CFAP44: variants seen among roughly 807,000 people sequenced by gnomAD.
CFAP44 encodes cilia and flagella associated protein 44.
CFAP44 carries 134 observed loss-of-function variants against 216.2 expected under a neutral mutation model. The observed-to-expected ratio is 0.62, with a 90% CI of 0.54 to 0.72. The LOEUF is 0.72. Among genes scored for constraint, CFAP44 ranks in the 30% least tolerant of loss-of-function variants. CFAP44 has a pLI of 0.00. For missense variants in CFAP44, 2,035 were observed against 2,182.1 expected (o/e 0.93, Z 1.34); for synonymous variants, 700 against 727.6 (o/e 0.96, Z 0.61).
chr3:113,424,329 G>A (rs919353043), intron 4 of CFAP44, among the ~76,000 whole-genome samples: 5 of 152,014 alleles, frequency 3.3e-5, no homozygotes, highest in Non-Finnish European at 7.4e-5. Flanking sequence ...CCAGCTACTC[G>A]GGAGGCTGAG....
chr3:113,312,073 G>GTGT (rs1465808861), intron 28 of CFAP44, among the ~76,000 whole-genome samples: 3 of 126,794 alleles, frequency 2.4e-5, no homozygotes, highest in Non-Finnish European at 3.3e-5. Context: ...GTGTGTGTGT[G>GTGT]TTTTTTTTTT....
rs1478302442 is a variant in CFAP44, at chr3:113,380,992, C to T, written c.1959G>A (p.Lys653=). ...CTACATCATGATCATCCTCTTCTTG[C>T]TTTATGGTTGGAAGTGGAGCTTCAA... ...YILEAPLPTI[K]QEEDDHDVVS... is the part of the protein sequence containing the mutation. Residue 653 remains lysine (K), a synonymous_variant, in exon 16 of 35, where the codon AAG becomes AAA. Transcript: ENST00000393845. 4 of 1,600,124 alleles carry T rather than the reference C, an allele frequency of 2.5e-6. No individual in the cohort carries two copies. The highest frequency in any genetic ancestry group is 1.7e-4 in the Middle Eastern group (1 of 5,992).
rs1014623952 is a variant in CFAP44 at position 113,291,281 on chromosome 3, A to G, written c.*276T>C. The G allele has an allele frequency of 2.4e-5, 7 of 285,812 alleles. No homozygotes were observed. In the Admixed American group the frequency reaches 2.8e-4, roughly 11 times the overall value. The allele number at this position is 285,812 out of a possible 1,614,324, so 17.7% of individuals were successfully genotyped here. ...AATATATTACAGGTGATTTGCTGCA[A>G]TCATGAAACACAGCCTTCCGAGACT... On this transcript the variant is annotated 3_prime_UTR_variant, in exon 35 of 35. Transcript: ENST00000393845.
At chr3:113,415,603 C>T (rs1200339299) in intron 6 of CFAP44, among the ~76,000 whole-genome samples, 1 of 152,080 alleles carries the variant, frequency 6.6e-6, no homozygotes, top group Non-Finnish European at 1.5e-5. Context: ...TTGATTTCTG[C>T]CTTAATTTCA....
intron 8 of CFAP44, among the ~76,000 whole-genome samples, chr3:113,405,941 G>A (rs1934264436): frequency 1.3e-5 from 2 of 152,182 alleles, no homozygotes; most frequent in Non-Finnish European, 2.9e-5. Flanking sequence ...TTTGAATTGA[G>A]AATATTCAGT....
chr3:113,400,151 C>G (rs1361539973), intron 12 of CFAP44, 151 bp from the exon 13 acceptor site: 3 of 518,554 alleles, frequency 5.8e-6, no homozygotes, highest in Non-Finnish European at 1.0e-5. Flanking sequence ...GGTACAACCT[C>G]AAACAGGTAA....
At chr3:113,322,698 G>A (rs1950155884) in intron 28 of CFAP44, among the ~76,000 whole-genome samples, 1 of 152,192 alleles carries the variant, frequency 6.6e-6, no homozygotes, top group Admixed American at 6.5e-5. Flanking sequence ...ACTTAAAAAT[G>A]AGCCACCATT....
chr3:113,425,595 A>G (rs1259478724), intron 4 of CFAP44, among the ~76,000 whole-genome samples: 1 of 152,242 alleles, frequency 6.6e-6, no homozygotes, highest in East Asian at 1.9e-4. Context: ...GGACAGACAC[A>G]TAAGTGTTTC....
intron 28 of CFAP44, among the ~76,000 whole-genome samples, chr3:113,319,884 G>T (rs1950126146): frequency 6.6e-6 from 1 of 151,764 alleles, no homozygotes; most frequent in South Asian, 2.1e-4. Context: ...GACAAAGATG[G>T]CATTACAACT....
Position 113,359,929 on chromosome 3 carries a change from C to T in CFAP44, c.2935-1054G>A, listed in dbSNP as rs565656412. 4.6e-5 allele frequency among the ~76,000 whole-genome samples: 7 copies of T among 152,134 alleles called. No homozygotes were observed. The South Asian group carries it at 8.3e-4, about 18-fold the overall frequency. Reference sequence around the variant, plus strand: ...ATTTTTAAAAATTTTGTAGATCAACCGGGTACTGTCTTTTCAACAGATCTG... The same window carrying T: ...ATTTTTAAAAATTTTGTAGATCAACTGGGTACTGTCTTTTCAACAGATCTG... On this transcript the variant is annotated intron_variant, in intron 21 of 34. Transcript: ENST00000393845.
rs1181945468 is a variant in CFAP44, at chr3:113,344,638, C to T, written c.3140G>A (p.Arg1047Lys). 1 of 1,536,994 alleles carries T rather than the reference C, an allele frequency of 6.5e-7. No individual in the cohort carries two copies. The highest frequency in any genetic ancestry group is 2.0e-5 in the Admixed American group (1 of 50,952). Residue 1047 changes from arginine (R) to lysine (K), a missense_variant, in exon 23 of 35, where the codon AGG becomes AAG. This residue lies in a region of CFAP44 where 1,883 missense variants were observed against 2,023.7 expected (regional missense o/e 0.93). Transcript: ENST00000393845. ...ILSDHKISSYRLVQPSKYSKF... is the reference protein window; with the variant it reads ...ILSDHKISSYKLVQPSKYSKF... ...GGAGTACTTAGAGGGCTGCACCAGC[C>T]TGTAAGAGGATATCTTGTGGTCACT...
intron 22 of CFAP44, among the ~76,000 whole-genome samples, chr3:113,354,312 C>A (rs945794201): frequency 6.6e-6 from 1 of 152,188 alleles, no homozygotes. Flanking sequence ...TTTGAAGGAA[C>A]TGGATCACCC....
intron 28 of CFAP44, among the ~76,000 whole-genome samples, chr3:113,308,483 C>T (rs573086818): frequency 1.6e-3 from 239 of 152,318 alleles, no homozygotes; most frequent in Middle Eastern, 6.8e-3. Flanking sequence ...AGACCAAGTT[C>T]CCAAGCTGCA....
chr3:113,427,297 T>C lies in CFAP44; in HGVS notation c.143A>G (p.Asp48Gly), dbSNP rs1934988810. The change falls in exon 3 of 35, where the codon GAT becomes GGT. Residue 48 changes from aspartate (D) to glycine (G), a missense_variant. Transcript: ENST00000393845. ...EDNTFLEDDT[D>G]ETFTKGEGSY... ...TCCTTCCCCTTTGGTAAATGTTTCATCTGTGTCATCTTCTAAAAATGTGTT... is the reference window on the plus strand; with the variant it reads ...TCCTTCCCCTTTGGTAAATGTTTCACCTGTGTCATCTTCTAAAAATGTGTT... 6.2e-7 allele frequency: 1 copy of C among 1,612,104 alleles called. No homozygotes were observed. The highest frequency in any genetic ancestry group is 1.3e-5 in the African/African-American group (1 of 74,990).
chr3:113,416,244 C>G (rs1241310874), intron 6 of CFAP44, among the ~76,000 whole-genome samples: 1 of 151,820 alleles, frequency 6.6e-6, no homozygotes, highest in African/African-American at 2.4e-5. Context: ...TTGTTTTGAG[C>G]CTGTGTGTGT....
chr3:113,370,380 C>T (rs1301783230), intron 18 of CFAP44, among the ~76,000 whole-genome samples: 1 of 152,214 alleles, frequency 6.6e-6, no homozygotes, highest in South Asian at 2.1e-4. Context: ...AGCTTATCCA[C>T]CACAATCCAG....
chr3:113,380,899 C>T lies in CFAP44; in HGVS notation c.2052G>A (p.Leu684=). ...FHFSSVKSKI[L]RLIEIEKRER... ...ATAATGCTTCAGGAATATTCCATAC[C>T]AGAATCTTAGATTTGACACTTGAAA... Residue 684 remains leucine (L), a splice_region_variant and synonymous_variant, in exon 16 of 35, where the codon CTG becomes CTA. Transcript: ENST00000393845. 3 of 1,565,410 alleles carry T rather than the reference C, an allele frequency of 1.9e-6. No homozygotes were observed. Among genetic ancestry groups the T allele is most frequent in the Non-Finnish European group, 1.7e-6 (2 of 1,158,370 alleles).
chr3:113,346,036 C>T (rs944132550), intron 22 of CFAP44, among the ~76,000 whole-genome samples: 2 of 152,220 alleles, frequency 1.3e-5, no homozygotes, highest in South Asian at 2.1e-4. Flanking sequence ...GTGAACCCAG[C>T]TGGACTTCCT....
At chr3:113,433,866 T>G in intron 1 of CFAP44, 197 bp from the exon 2 acceptor site, 2 of 412,840 alleles carry the variant, frequency 4.8e-6, no homozygotes, top group Admixed American at 7.4e-5. Flanking sequence ...CAGCTAATTA[T>G]AATCACAGAT....
Sources: gnomAD v4.1 joint callset for allele counts (sites outside exome capture counted in the v4.1 genomes callset) on GRCh38, gnomAD v4.1.1 for gene constraint, gnomAD v4.1.1 regional missense constraint, MANE v1.5 for transcripts, NCBI Gene and HGNC (gene_info 2026-07-23, HGNC 2026-07-21) for gene names.